Variants in SCD5 observed in about 807,000 individuals in gnomAD.
SCD5 encodes the protein stearoyl-CoA desaturase 5.
In SCD5, 20 loss-of-function variants were observed where a neutral mutation model predicts 30.4. That is an observed-to-expected ratio of 0.66 (90% confidence interval 0.46 to 0.96). The LOEUF is 0.96. Among genes scored for constraint, SCD5 ranks in the 40% least tolerant of loss-of-function variants. The pLI, the probability that SCD5 is intolerant of heterozygous loss-of-function variation, is 0.00. For synonymous variants in SCD5, 173 were observed against 176.4 expected (o/e 0.98, Z 0.16); for missense variants, 381 against 443.3 (o/e 0.86, Z 1.26).
Position 82,694,640 on chromosome 4 carries a change from A to G in SCD5, c.363+10643T>C, listed in dbSNP as rs567300497. The stretch of plus-strand genomic sequence containing the variant: ...ATGTTTGTACCCCCACCATGTGGCA[A>G]CTTTGAATCAATAACTCTGCAGATC... On this transcript the variant is annotated intron_variant, in intron 2 of 4. Transcript: ENST00000319540. 3.3e-5 allele frequency among the ~76,000 whole-genome samples: 5 copies of G among 151,736 alleles called. No individual in the cohort carries two copies. In the East Asian group the frequency reaches 7.7e-4, roughly 23 times the overall value.
chr4:82,720,400 C>A (rs1355264746), intron 1 of SCD5, among the ~76,000 whole-genome samples: 1 of 123,082 alleles, frequency 8.1e-6, no homozygotes, highest in Non-Finnish European at 1.6e-5. Context: ...GAACTCCAGC[C>A]TGGGTGACAG....
Position 82,685,377 on chromosome 4 carries a change from C to T in SCD5, c.364-4465G>A, listed in dbSNP as rs532625433. On this transcript the variant is annotated intron_variant, in intron 2 of 4. Coordinates refer to ENST00000319540, the MANE Select transcript of SCD5 (RefSeq NM_001037582.3). ...TAGCCACATCTAAAAAGTGAAATGA[C>T]CCTTGATTGAACTTGGGCTACAGAA... Among the ~76,000 whole-genome samples, 5 of 152,044 alleles carry T rather than the reference C, an allele frequency of 3.3e-5. No individual in the cohort carries two copies. The East Asian group carries it at 7.7e-4, about 23-fold the overall frequency.
chr4:82,748,621 T>G (rs935774157), intron 1 of SCD5, among the ~76,000 whole-genome samples: 20 of 152,246 alleles, frequency 1.3e-4, no homozygotes, highest in African/African-American at 4.8e-4. Context: ...TTAAAGAGTA[T>G]GTTCTTAAGT....
chr4:82,786,601 A>G (rs1721992677), intron 1 of SCD5, among the ~76,000 whole-genome samples: 1 of 152,002 alleles, frequency 6.6e-6, no homozygotes, highest in African/African-American at 2.4e-5. Flanking sequence ...GGAGTTCGAG[A>G]CCAGCCTGGC....
chr4:82,649,130 T>C (rs1727691384), intron 3 of SCD5, among the ~76,000 whole-genome samples: 1 of 152,080 alleles, frequency 6.6e-6, no homozygotes, highest in Non-Finnish European at 1.5e-5. Flanking sequence ...GACATTGTTA[T>C]ACTGCTTGTG....
chr4:82,646,288 A>C (rs988277879), intron 3 of SCD5, among the ~76,000 whole-genome samples: 1 of 152,176 alleles, frequency 6.6e-6, no homozygotes, highest in Non-Finnish European at 1.5e-5. Flanking sequence ...GTAAACACTT[A>C]TTTAGAGGAC....
rs140308079 is a variant in SCD5, at chr4:82,710,969, T to C, written c.233-5556A>G. ...CATCATGGCTAAAATGGCCCTGGGA[T>C]TGAATCCCTGATAAATCACTTATCA... On this transcript the variant is annotated intron_variant, in intron 1 of 4. Coordinates refer to ENST00000319540, the MANE Select transcript of SCD5 (RefSeq NM_001037582.3). Among the ~76,000 whole-genome samples, 8 of 152,194 alleles carry C rather than the reference T, an allele frequency of 5.3e-5. No homozygotes were observed. The East Asian group carries it at 1.5e-3, about 29-fold the overall frequency.
chr4:82,706,578 T>A (rs962994862), intron 1 of SCD5, among the ~76,000 whole-genome samples: 1 of 152,286 alleles, frequency 6.6e-6, no homozygotes, highest in Non-Finnish European at 1.5e-5. Flanking sequence ...TACTGCCCTG[T>A]CTTCCCAGAC....
At chr4:82,663,746 C>G (rs1728085473) in intron 3 of SCD5, among the ~76,000 whole-genome samples, 2 of 152,286 alleles carry the variant, frequency 1.3e-5, no homozygotes, top group South Asian at 4.1e-4. Context: ...GGGAGAGCAA[C>G]TGAAGCAAAA....
At chr4:82,793,384 TGGAGGAAAACA>T (rs1193888263) in intron 1 of SCD5, among the ~76,000 whole-genome samples, 2 of 152,140 alleles carry the variant, frequency 1.3e-5, no homozygotes, top group African/African-American at 4.8e-5. Context: ...AATGATCTTT[TGGAGGAAAACA>T]GGAGGAAGAT....
Position 82,630,680 on chromosome 4 carries a change from CG to C in SCD5, c.*646del, listed in dbSNP as rs1252132666. 6.6e-6 allele frequency: 1 copy of C among 151,898 alleles called. No individual in the cohort carries two copies. The highest frequency in any genetic ancestry group is 2.4e-5 in the African/African-American group (1 of 41,210). 9.4% of individuals were successfully genotyped at this position (151,898 alleles called of 1,614,324 possible). Reference sequence around the variant, plus strand: ...CTTGAAAAGTTTTTTAGGCTGGGCGCGCTGGCTCCCAGCTACTCGGGAGGCT... The same window carrying C: ...CTTGAAAAGTTTTTTAGGCTGGGCGCCTGGCTCCCAGCTACTCGGGAGGCT... On this transcript the variant is annotated 3_prime_UTR_variant, in exon 5 of 5. Coordinates refer to ENST00000319540, the MANE Select transcript of SCD5 (RefSeq NM_001037582.3).
chr4:82,654,052 G>C (rs1727817300), intron 3 of SCD5, among the ~76,000 whole-genome samples: 1 of 151,980 alleles, frequency 6.6e-6, no homozygotes, highest in Non-Finnish European at 1.5e-5. Flanking sequence ...CAAGTAGCTG[G>C]GATTACAGGT....
intron 1 of SCD5, among the ~76,000 whole-genome samples, chr4:82,747,071 C>CCCCCCCCCT (rs562117466): frequency 1.9e-5 from 2 of 103,102 alleles, no homozygotes; most frequent in Non-Finnish European, 4.2e-5. Context: ...GGCAACCTGC[C>CCCCCCCCCT]CCCCAAGAAA....
chr4:82,758,987 C>T (rs1024775629), intron 1 of SCD5, among the ~76,000 whole-genome samples: 6 of 152,234 alleles, frequency 3.9e-5, no homozygotes, highest in African/African-American at 1.4e-4. Flanking sequence ...AAGCCTCCGC[C>T]CCAGCGCCCC....
intron 1 of SCD5, among the ~76,000 whole-genome samples, chr4:82,776,818 A>C (rs974658406): frequency 6.6e-6 from 1 of 152,342 alleles, no homozygotes; most frequent in African/African-American, 2.4e-5. Context: ...GAAATAAGAA[A>C]GTTAACTAGA....
At position 82,640,010 on chromosome 4, in the gene SCD5, CTCG is replaced by C. The variant is rs1467318595; in HGVS notation, c.570-3190_570-3188del. The stretch of plus-strand genomic sequence containing the variant: ...TTGCAGCAGCTTTGGGGTAGACACC[CTCG>C]AGTCATGAAGGCCCCAGGCACAGGG... On this transcript the variant is annotated intron_variant, in intron 3 of 4. Coordinates refer to ENST00000319540, the MANE Select transcript of SCD5 (RefSeq NM_001037582.3). 2.0e-5 allele frequency among the ~76,000 whole-genome samples: 3 copies of C among 152,182 alleles called. No homozygotes were observed. In the East Asian group the frequency reaches 5.8e-4, roughly 29 times the overall value.
chr4:82,678,331 A>T lies in SCD5; in HGVS notation c.569+2376T>A, dbSNP rs574840196. On this transcript the variant is annotated intron_variant, in intron 3 of 4. Transcript: ENST00000319540. ...CTGCATTTAGAAATAGTCTTTAGAC[A>T]TACGTGCCGCCAATACACACATAAT... 2.6e-5 allele frequency among the ~76,000 whole-genome samples: 4 copies of T among 152,290 alleles called. No individual in the cohort carries two copies. The East Asian group carries it at 7.7e-4, about 29-fold the overall frequency.
At chr4:82,743,984 C>A (rs931743497) in intron 1 of SCD5, among the ~76,000 whole-genome samples, 1 of 152,104 alleles carries the variant, frequency 6.6e-6, no homozygotes, top group African/African-American at 2.4e-5. Context: ...CACCACCACA[C>A]CTGGATAATT....
intron 1 of SCD5, among the ~76,000 whole-genome samples, chr4:82,741,229 C>T (rs73829984): frequency 0.041 from 6,169 of 152,060 alleles, 407 homozygotes; most frequent in African/African-American, 0.14. Context: ...TGAACCACTG[C>T]GCCCAGCCTC....
Sources: gnomAD v4.1 joint callset for allele counts (sites outside exome capture counted in the v4.1 genomes callset) on GRCh38, gnomAD v4.1.1 for gene constraint, MANE v1.5 for transcripts, NCBI Gene and HGNC (gene_info 2026-07-23, HGNC 2026-07-21) for gene names.